The following GARRE1 variants were observed in gnomAD, a reference collection of about 807,000 sequenced individuals.
GARRE1 encodes granule associated Rac and RHOG effector protein 1.
In GARRE1, 49 loss-of-function variants were observed where a neutral mutation model predicts 103.2. That is an observed-to-expected ratio of 0.47 (90% CI 0.38 to 0.60). The LOEUF (loss-of-function observed/expected upper bound fraction) is 0.60, where lower values mean the gene tolerates loss of function less well. Ranked by LOEUF, GARRE1 falls within the 20% of genes least tolerant of loss-of-function variation. The pLI, the probability that GARRE1 is intolerant of heterozygous loss-of-function variation, is 0.00. For missense variants in GARRE1, 1,199 were observed against 1,370.5 expected (o/e 0.87, Z 1.98); for synonymous variants, 505 against 532.8 (o/e 0.95, Z 0.72).
intron 1 of GARRE1, among the ~76,000 whole-genome samples, chr19:34,297,116 A>G (rs1417517985): frequency 3.3e-5 from 5 of 152,070 alleles, no homozygotes; most frequent in African/African-American, 9.7e-5. Flanking sequence ...GCGAAACCTC[A>G]TCTCTACTAA....
intron 2 of GARRE1, among the ~76,000 whole-genome samples, chr19:34,313,985 G>C (rs2599554): frequency 0.47 from 71,426 of 151,610 alleles, 20,124 homozygotes; most frequent in Non-Finnish European, 0.63. Flanking sequence ...ATTTTTTGTA[G>C]AGACAGGGTT....
chr19:34,270,899 A>T (rs768336817), intron 1 of GARRE1, among the ~76,000 whole-genome samples: 1 of 152,082 alleles, frequency 6.6e-6, no homozygotes, highest in Non-Finnish European at 1.5e-5. Flanking sequence ...GCATTATGGG[A>T]TGTTCAGCAG....
chr19:34,336,791 A>G lies in GARRE1; in HGVS notation c.1361+2990A>G, dbSNP rs572864560. Among the ~76,000 whole-genome samples the G allele has an allele frequency of 1.5e-4, 23 of 152,266 alleles. No homozygotes were observed. The South Asian group carries it at 4.6e-3, about 30-fold the overall frequency. ...AACCCTGAATTCTTAAATTTTTCCA[A>G]TTCAGGCTGTCATTGGAAAATGTTA... On this transcript the variant is annotated intron_variant, in intron 8 of 13. Coordinates refer to ENST00000299505, the MANE Select transcript of GARRE1 (RefSeq NM_014686.5).
At chr19:34,317,685 A>G (rs1412277505) in intron 2 of GARRE1, among the ~76,000 whole-genome samples, 4 of 152,224 alleles carry the variant, frequency 2.6e-5, no homozygotes, top group Non-Finnish European at 4.4e-5. Flanking sequence ...GGTCCACCAC[A>G]TGCAGATTGT....
chr19:34,289,450 G>A (rs1201406783), intron 1 of GARRE1, among the ~76,000 whole-genome samples: 1 of 150,680 alleles, frequency 6.6e-6, no homozygotes, highest in Non-Finnish European at 1.5e-5. Context: ...TCCAAGGCCA[G>A]GCATGGTGGC....
chr19:34,256,149 A>G (rs140100278), intron 1 of GARRE1, among the ~76,000 whole-genome samples: 1,832 of 151,884 alleles, frequency 0.012, 95 homozygotes, highest in Admixed American at 0.091. Context: ...GTAACGTTCA[A>G]TTTTTAAGAA....
intron 1 of GARRE1, among the ~76,000 whole-genome samples, chr19:34,290,987 A>G (rs937029227): frequency 3.7e-5 from 5 of 134,602 alleles, no homozygotes; most frequent in African/African-American, 1.4e-4. Flanking sequence ...GTTCACTGCA[A>G]CCTCCGCCTC....
At chr19:34,352,579 A>G in intron 13 of GARRE1, 68 bp from the exon 14 acceptor site, 1 of 1,348,234 alleles carries the variant, frequency 7.4e-7, no homozygotes, top group Non-Finnish European at 1.0e-6. Context: ...AGGGCCAGGC[A>G]TCTGGGGAGG....
At chr19:34,281,874 T>C (rs377167655) in intron 1 of GARRE1, among the ~76,000 whole-genome samples, 1 of 152,248 alleles carries the variant, frequency 6.6e-6, no homozygotes, top group South Asian at 2.1e-4. Context: ...GTTCTAAAGA[T>C]AAAACCATAA....
chr19:34,313,975 A>AT (rs1568540166), intron 2 of GARRE1, among the ~76,000 whole-genome samples: 3 of 151,762 alleles, frequency 2.0e-5, no homozygotes, highest in Non-Finnish European at 4.4e-5. Flanking sequence ...TGATTTTTGT[A>AT]TTTTTTGTAG....
chr19:34,288,140 T>G (rs1333334668), intron 1 of GARRE1, among the ~76,000 whole-genome samples: 1 of 152,110 alleles, frequency 6.6e-6, no homozygotes, highest in African/African-American at 2.4e-5. Flanking sequence ...GTACAGGAAG[T>G]GCAGGAAGCT....
At chr19:34,326,894 C>T in intron 3 of GARRE1, among the ~76,000 whole-genome samples, 1 of 152,004 alleles carries the variant, frequency 6.6e-6, no homozygotes, top group Admixed American at 6.6e-5. Flanking sequence ...GTGGCTCAAG[C>T]CAGTAATCCC....
At chr19:34,306,921 A>T (rs1052177296) in intron 2 of GARRE1, among the ~76,000 whole-genome samples, 1 of 151,992 alleles carries the variant, frequency 6.6e-6, no homozygotes, top group Non-Finnish European at 1.5e-5. Context: ...GATCTTAGAG[A>T]AGGTAGTTAG....
chr19:34,257,174 T>A (rs899781717), intron 1 of GARRE1, among the ~76,000 whole-genome samples: 8 of 143,588 alleles, frequency 5.6e-5, no homozygotes, highest in African/African-American at 1.8e-4. Flanking sequence ...TTTTTTTTTT[T>A]AAGCAAATTG....
At position 34,333,747 on chromosome 19, in the gene GARRE1, C is replaced by T. The variant is rs778976059; in HGVS notation, c.1307C>T (p.Ala436Val). ...CAGATTGAGAATAAAGAAGCCTATG[C>T]CCCCCAGATCAGTTTAGAAGGCTCT... ...TAQIENKEAY[A>V]PQISLEGSRI... The change falls in exon 8 of 14, where the codon GCC becomes GTC. Residue 436 changes from alanine (A) to valine (V), a missense_variant. Physicochemically the swap from Ala to Val is moderately conservative, Grantham distance 64 (BLOSUM62 0). Transcript: ENST00000299505. The T allele has an allele frequency of 7.5e-6, 12 of 1,601,236 alleles. No individual in the cohort carries two copies. The South Asian group carries it at 1.2e-4, about 16-fold the overall frequency.
chr19:34,280,373 T>G (rs1489793576), intron 1 of GARRE1, among the ~76,000 whole-genome samples: 2 of 152,226 alleles, frequency 1.3e-5, no homozygotes, highest in African/African-American at 2.4e-5. Flanking sequence ...CGCATATTTC[T>G]TGGGGCAAAA....
At chr19:34,317,074 C>T (rs2074063354) in intron 2 of GARRE1, among the ~76,000 whole-genome samples, 1 of 152,242 alleles carries the variant, frequency 6.6e-6, no homozygotes, top group African/African-American at 2.4e-5. Context: ...AGGCCTTCAG[C>T]CATTCCTCAG....
At chr19:34,297,793 C>G (rs2073955185) in intron 1 of GARRE1, among the ~76,000 whole-genome samples, 1 of 152,154 alleles carries the variant, frequency 6.6e-6, no homozygotes, top group Admixed American at 6.5e-5. Flanking sequence ...ACATTTTTTA[C>G]AAGTAGCCAT....
At chr19:34,320,885 G>A (rs1421491939) in intron 3 of GARRE1, among the ~76,000 whole-genome samples, 3 of 146,846 alleles carry the variant, frequency 2.0e-5, no homozygotes, top group Non-Finnish European at 3.0e-5. Flanking sequence ...ACCATGTCTA[G>A]CTTATTATTA....
Sources: allele counts gnomAD v4.1 joint callset (sites outside exome capture counted in the v4.1 genomes callset), GRCh38; gene constraint gnomAD v4.1.1; transcripts MANE v1.5; gene names NCBI Gene and HGNC (gene_info 2026-07-23, HGNC 2026-07-21).